The following ACKR1 variants were observed in gnomAD, a reference collection of about 807,000 sequenced individuals.
The protein encoded by ACKR1 is atypical chemokine receptor 1.
Under a neutral mutation model 2.5 loss-of-function variants are expected in ACKR1, and 3 were observed. That is an observed-to-expected ratio of 1.18 (90% CI 0.54 to 3.06). ACKR1 has a LOEUF of 3.06. ACKR1 is among the 30% of genes most tolerant of loss of function. ACKR1 has a pLI of 0.03. For missense variants in ACKR1, 438 were observed against 395.2 expected (o/e 1.11, Z -0.92); for synonymous variants, 208 against 178.2 (o/e 1.17, Z -1.33).
At position 159,206,486 on chromosome 1, in the gene ACKR1, C is replaced by T; in HGVS notation, c.*36C>T. Reference sequence around the variant, plus strand: ...ACCTGTCAACCTGAATTAAAGTCTACACTGCCTTTGTGAAGCGGGTGGTTT... The same window carrying T: ...ACCTGTCAACCTGAATTAAAGTCTATACTGCCTTTGTGAAGCGGGTGGTTT... On this transcript the variant is annotated 3_prime_UTR_variant, in exon 2 of 2. Coordinates refer to ENST00000368122, the MANE Select transcript of ACKR1 (RefSeq NM_002036.4). 6.4e-7 allele frequency: 1 copy of T among 1,560,578 alleles called. No homozygotes were observed. Among genetic ancestry groups the T allele is most frequent in the Non-Finnish European group, 8.7e-7 (1 of 1,149,368 alleles).
chr1:159,204,955 G>A lies in ACKR1; in HGVS notation c.-5G>A. ...TCTGTCTGCGGGCCTGAACCAAACG[G>A]TGCCATGGGGAACTGTCTGCACAGG... On this transcript the variant is annotated 5_prime_UTR_variant, in exon 1 of 2. In the 5' UTR this introduces an upstream ATG that the reference lacks. Coordinates refer to ENST00000368122, the MANE Select transcript of ACKR1 (RefSeq NM_002036.4). 1.2e-6 allele frequency: 2 copies of A among 1,614,164 alleles called. No homozygotes were observed. Among genetic ancestry groups the A allele is most frequent in the Non-Finnish European group, 1.7e-6 (2 of 1,180,042 alleles).
chr1:159,205,035 T>G, intron 1 of ACKR1, 55 bp downstream of exon 1: 1 of 1,582,492 alleles, frequency 6.3e-7, no homozygotes, highest in Non-Finnish European at 8.6e-7. Flanking sequence ...TCATTTCCCC[T>G]GCTGTTTGCC....
At position 159,205,773 on chromosome 1, in the gene ACKR1, G is replaced by T. The variant is rs775048718; in HGVS notation, c.334G>T (p.Val112Leu). Reference protein sequence around the residue: ...LAVGSALFSIVVPVLAPGLGS... With the variant: ...LAVGSALFSILVPVLAPGLGS... ...TGTGGGCAGTGCCCTCTTCAGCATT[G>T]TGGTGCCCGTCTTGGCCCCAGGGCT... The change falls in exon 2 of 2, where the codon GTG becomes TTG. Residue 112 changes from valine (V) to leucine (L), a missense_variant. By Grantham distance (32) the Val-to-Leu change is conservative. Coordinates refer to ENST00000368122, the MANE Select transcript of ACKR1 (RefSeq NM_002036.4). 1.2e-6 allele frequency: 2 copies of T among 1,614,002 alleles called. No homozygotes were observed. The highest frequency in any genetic ancestry group is 1.7e-6 in the Non-Finnish European group (2 of 1,179,894).
chr1:159,204,956 T>C lies in ACKR1; in HGVS notation c.-4T>C. The C allele has an allele frequency of 1.2e-6, 2 of 1,614,112 alleles. No homozygotes were observed. Among genetic ancestry groups the C allele is most frequent in the Non-Finnish European group, 1.7e-6 (2 of 1,180,012 alleles). ...CTGTCTGCGGGCCTGAACCAAACGG[T>C]GCCATGGGGAACTGTCTGCACAGGG... On this transcript the variant is annotated 5_prime_UTR_variant, in exon 1 of 2. Coordinates refer to ENST00000368122, the MANE Select transcript of ACKR1 (RefSeq NM_002036.4).
In ACKR1 at chr1:159,205,491, A is replaced by G; in HGVS notation, c.52A>G (p.Ser18Gly). The change falls in exon 2 of 2, where the codon AGT (serine) becomes GGT (glycine). Residue 18 changes from serine to glycine, a missense_variant. Coordinates refer to ENST00000368122, the MANE Select transcript of ACKR1 (RefSeq NM_002036.4). ...AELSPSTENS[S>G]QLDFEDVWNS... ...GCTCTCCCCCTCAACTGAGAACTCA[A>G]GTCAGCTGGACTTCGAAGATGTATG... 6.2e-7 allele frequency: 1 copy of G among 1,613,344 alleles called. No homozygotes were observed. The highest frequency in any genetic ancestry group is 8.5e-7 in the Non-Finnish European group (1 of 1,179,490).
chr1:159,205,378 G>C, intron 1 of ACKR1, 83 bp from the exon 2 acceptor site: 3 of 1,529,702 alleles, frequency 2.0e-6, no homozygotes, highest in Non-Finnish European at 2.7e-6. Flanking sequence ...CTTCCTCTCT[G>C]TCCTCCCCTC....
Position 159,205,896 on chromosome 1 carries a change from C to G in ACKR1, c.457C>G (p.Leu153Val), listed in dbSNP as rs759884752. The G allele has an allele frequency of 2.5e-6, 4 of 1,614,026 alleles. No individual in the cohort carries two copies. The highest frequency in any genetic ancestry group is 1.7e-5 in the Admixed American group (1 of 60,024). The stretch of plus-strand genomic sequence containing the variant: ...TTTGCTGCTAGGGTGCCATGCCTCC[C>G]TGGGCCACAGACTGGGTGCAGGCCA... ...QALLLGCHAS[L>V]GHRLGAGQVP... The change falls in exon 2 of 2, where the codon CTG (leucine) becomes GTG (valine). Residue 153 changes from leucine to valine, a missense_variant. By Grantham distance (32) the Leu-to-Val change is conservative. Coordinates refer to ENST00000368122, the MANE Select transcript of ACKR1 (RefSeq NM_002036.4).
At position 159,206,287 on chromosome 1, in the gene ACKR1, A is replaced by G. The variant is rs781427570; in HGVS notation, c.848A>G (p.Asp283Gly). 3.7e-6 allele frequency: 6 copies of G among 1,614,128 alleles called. No individual in the cohort carries two copies. In the East Asian group the frequency reaches 1.3e-4, roughly 36 times the overall value. The change falls in exon 2 of 2, where the codon GAC becomes GGC. Residue 283 changes from aspartate to glycine, a missense_variant. Transcript: ENST00000368122. ...LSTCLAQQAL[D>G]LLLNLAEALA... ...ACATGTCTGGCCCAGCAGGCTCTGG[A>G]CCTGCTGCTGAACCTGGCAGAAGCC...
In ACKR1 at chr1:159,204,927, C is replaced by G. The variant is rs1446090464; in HGVS notation, c.-33C>G. 1.9e-6 allele frequency: 3 copies of G among 1,613,982 alleles called. No individual in the cohort carries two copies. In the African/African-American group the frequency reaches 4.0e-5, roughly 22 times the overall value. On this transcript the variant is annotated 5_prime_UTR_variant, in exon 1 of 2. Transcript: ENST00000368122. ...CACAGGCGCTGACAGCCGTCCCAGCCCTTCTGTCTGCGGGCCTGAACCAAA... is the reference window on the plus strand; with the variant it reads ...CACAGGCGCTGACAGCCGTCCCAGCGCTTCTGTCTGCGGGCCTGAACCAAA...
chr1:159,205,471 C>A lies in ACKR1; in HGVS notation c.32C>A (p.Ser11Tyr), dbSNP rs1650407476. 1.9e-6 allele frequency: 3 copies of A among 1,610,436 alleles called. No homozygotes were observed. Among genetic ancestry groups the A allele is most frequent in the African/African-American group, 2.7e-5 (2 of 75,042 alleles). The stretch of plus-strand genomic sequence containing the variant: ...GGGTATGTCCTCCAGGCGGAGCTCT[C>A]CCCCTCAACTGAGAACTCAAGTCAG... MGNCLHRAEL[S>Y]PSTENSSQLD... is the part of the protein sequence containing the mutation. Residue 11 changes from serine to tyrosine, a missense_variant, in exon 2 of 2, where the codon TCC becomes TAC. Ser to Tyr is a moderately radical substitution (Grantham distance 144). Coordinates refer to ENST00000368122, the MANE Select transcript of ACKR1 (RefSeq NM_002036.4).
Position 159,205,986 on chromosome 1 carries a change from C to A in ACKR1, c.547C>A (p.Pro183Thr). 1 of 1,614,128 alleles carries A rather than the reference C, an allele frequency of 6.2e-7. No homozygotes were observed. The highest frequency in any genetic ancestry group is 1.7e-5 in the Admixed American group (1 of 60,036). Residue 183 changes from proline (P) to threonine (T), a missense_variant, in exon 2 of 2, where the codon CCT (proline) becomes ACT (threonine). Coordinates refer to ENST00000368122, the MANE Select transcript of ACKR1 (RefSeq NM_002036.4). Reference sequence around the variant, plus strand: ...GGGAGTGGCTGCCCTACTGACACTGCCTGTCACCCTGGCCAGTGGTGCTTC... The same window carrying A: ...GGGAGTGGCTGCCCTACTGACACTGACTGTCACCCTGGCCAGTGGTGCTTC... ...IWGVAALLTL[P>T]VTLASGASGG...
Position 159,205,850 on chromosome 1 carries a change from T to G in ACKR1, c.411T>G (p.Tyr137Ter), listed in dbSNP as rs778780244. 1 of 1,614,136 alleles carries G rather than the reference T, an allele frequency of 6.2e-7. No individual in the cohort carries two copies. The highest frequency in any genetic ancestry group is 8.5e-7 in the Non-Finnish European group (1 of 1,180,008). ...ALCSLGYCVW[Y>*]GSAFAQALLL... ...GTAGCCTGGGCTACTGTGTCTGGTA[T>G]GGCTCAGCCTTTGCCCAGGCTTTGC... The change falls in exon 2 of 2, where the codon TAT (tyrosine) becomes TAG (stop). Residue 137 changes from tyrosine to a stop codon, truncating the protein, a stop_gained. Coordinates refer to ENST00000368122, the MANE Select transcript of ACKR1 (RefSeq NM_002036.4). LOFTEE classifies it low-confidence loss of function (END_TRUNC).
Position 159,205,779 on chromosome 1 carries a change from C to A in ACKR1, c.340C>A (p.Pro114Thr). 1.9e-6 allele frequency: 3 copies of A among 1,614,096 alleles called. No homozygotes were observed. The highest frequency in any genetic ancestry group is 2.5e-6 in the Non-Finnish European group (3 of 1,179,996). ...VGSALFSIVV[P>T]VLAPGLGSTR... ...CAGTGCCCTCTTCAGCATTGTGGTG[C>A]CCGTCTTGGCCCCAGGGCTAGGTAG... The change falls in exon 2 of 2, where the codon CCC (proline) becomes ACC (threonine). Residue 114 changes from proline to threonine, a missense_variant. Transcript: ENST00000368122.
At chr1:159,205,027 A>G (rs1650391795) in intron 1 of ACKR1, 47 bp downstream of exon 1, 1 of 1,591,698 alleles carries the variant, frequency 6.3e-7, no homozygotes, top group East Asian at 2.3e-5. Context: ...TATGCCCCTC[A>G]TTTCCCCTGC....
rs777322557 is a variant in ACKR1, at chr1:159,206,105, A to G, written c.666A>G (p.Pro222=). The change falls in exon 2 of 2, where the codon CCA becomes CCG. Residue 222 remains proline (P), a synonymous_variant. Coordinates refer to ENST00000368122, the MANE Select transcript of ACKR1 (RefSeq NM_002036.4). The stretch of plus-strand genomic sequence containing the variant: ...GTCTTGCCATCTTTGTCTTGTTGCC[A>G]TTGGGTTTGTTTGGAGCCAAGGGGC... ...VACLAIFVLL[P]LGLFGAKGLK... 5.6e-6 allele frequency: 9 copies of G among 1,613,994 alleles called. No individual in the cohort carries two copies. Among genetic ancestry groups the G allele is most frequent in the African/African-American group, 4.0e-5 (3 of 74,902 alleles).
Position 159,206,143 on chromosome 1 carries a change from T to C in ACKR1, c.704T>C (p.Leu235Ser), listed in dbSNP as rs376070936. 18 of 1,614,186 alleles carry C rather than the reference T, an allele frequency of 1.1e-5. No individual in the cohort carries two copies. Among genetic ancestry groups the C allele is most frequent in the Non-Finnish European group, 1.3e-5 (15 of 1,180,022 alleles). The change falls in exon 2 of 2, where the codon TTG becomes TCG. Residue 235 changes from leucine (L) to serine (S), a missense_variant. Transcript: ENST00000368122. ...GGAGCCAAGGGGCTGAAGAAGGCAT[T>C]GGGTATGGGGCCAGGCCCCTGGATG... ...LFGAKGLKKA[L>S]GMGPGPWMNI... is the part of the protein sequence containing the mutation.
chr1:159,205,363 C>G, intron 1 of ACKR1, 98 bp from the exon 2 acceptor site: 1 of 1,465,394 alleles, frequency 6.8e-7, no homozygotes, highest in East Asian at 2.3e-5. Context: ...GTTCTCCCAC[C>G]CGACCTTCCT....
intron 1 of ACKR1, chr1:159,205,234 C>G: frequency 1.5e-6 from 1 of 686,146 alleles, no homozygotes; most frequent in Non-Finnish European, 2.4e-6. Context: ...TGACCTTGCA[C>G]TGCTCCTCCA....
At position 159,204,990 on chromosome 1, in the gene ACKR1, G is replaced by A. The variant is rs1650389500; in HGVS notation, c.21+10G>A. 1.9e-6 allele frequency: 3 copies of A among 1,613,780 alleles called. No homozygotes were observed. The highest frequency in any genetic ancestry group is 8.5e-7 in the Non-Finnish European group (1 of 1,179,870). On this transcript the variant is annotated intron_variant, in intron 1 of 1. Coordinates refer to ENST00000368122, the MANE Select transcript of ACKR1 (RefSeq NM_002036.4). ...GAACTGTCTGCACAGGGTGAGTATG[G>A]GGCCAGGCCCCAGAGTCCCTTATCC...
Sources: gnomAD v4.1 joint callset for allele counts on GRCh38, gnomAD v4.1.1 for gene constraint, MANE v1.5 for transcripts, NCBI Gene and HGNC (gene_info 2026-07-23, HGNC 2026-07-21) for gene names.